The following FAM20B variants were observed in gnomAD, a reference collection of about 807,000 sequenced individuals.
FAM20B encodes the protein glycosaminoglycan xylosylkinase.
A neutral mutation model predicts 43.8 loss-of-function variants in FAM20B; 23 were observed. The observed-to-expected ratio is 0.53, with a 90% CI of 0.38 to 0.74. The LOEUF (loss-of-function observed/expected upper bound fraction) is 0.74, where lower values mean the gene tolerates loss of function less well. Among genes scored for constraint, FAM20B ranks in the 30% least tolerant of loss-of-function variants. The pLI is 0.00. For missense variants in FAM20B, 440 were observed against 510.5 expected (o/e 0.86, Z 1.33); for synonymous variants, 178 against 192.4 (o/e 0.93, Z 0.62).
chr1:179,076,445 CACAG>C lies in FAM20B; in HGVS notation c.*4307_*4310del, dbSNP rs993459875. On this transcript the variant is annotated 3_prime_UTR_variant, in exon 8 of 8. Coordinates refer to ENST00000263733, the MANE Select transcript of FAM20B (RefSeq NM_014864.4). Reference sequence around the variant, plus strand: ...CAAGGATTTCCTCTCAGAGCTGTTGCACAGACAGAGATTGTACTTGGTAAGATAC... The same window carrying C: ...CAAGGATTTCCTCTCAGAGCTGTTGCACAGAGATTGTACTTGGTAAGATAC... 3.9e-5 allele frequency: 6 copies of C among 152,560 alleles called. No individual in the cohort carries two copies. Among genetic ancestry groups the C allele is most frequent in the South Asian group, 2.1e-4 (1 of 4,826 alleles). The allele number at this position is 152,560 out of a possible 1,614,324, so 9.5% of individuals were successfully genotyped here.
Position 179,073,309 on chromosome 1 carries a change from TTTTTTTC to T in FAM20B, c.*1179_*1185del, listed in dbSNP as rs1199571499. On this transcript the variant is annotated 3_prime_UTR_variant, in exon 8 of 8. Transcript: ENST00000263733. ...GAAACAAAGATTTTAAGCCTTCTTC[TTTTTTTC>T]TTTTTTCTTTTTTTTTTGAGACCAA... 3.3e-5 allele frequency: 5 copies of T among 152,186 alleles called. No individual in the cohort carries two copies. Among genetic ancestry groups the T allele is most frequent in the Non-Finnish European group, 7.3e-5 (5 of 68,096 alleles). The allele number at this position is 152,186 out of a possible 1,614,324, so 9.4% of individuals were successfully genotyped here.
intron 4 of FAM20B, among the ~76,000 whole-genome samples, chr1:179,059,756 G>C (rs1174175020): frequency 6.6e-6 from 1 of 152,146 alleles, no homozygotes; most frequent in Non-Finnish European, 1.5e-5. Context: ...AGGATCACAT[G>C]AGGCCAGGAG....
intron 1 of FAM20B, among the ~76,000 whole-genome samples, chr1:179,038,808 G>A (rs139744905): frequency 1.5e-3 from 228 of 152,350 alleles, no homozygotes; most frequent in African/African-American, 5.4e-3. Flanking sequence ...CTTTGTTTCA[G>A]CTAATAGTGT....
chr1:179,020,225 C>A, the FAM20B span, among the ~76,000 whole-genome samples: 1 of 151,614 alleles, frequency 6.6e-6, no homozygotes, highest in African/African-American at 2.4e-5. Flanking sequence ...GAAGGAGGGA[C>A]CAGGCTCTCT....
rs1352163334 is a variant in FAM20B, at chr1:179,076,342, C to A, written c.*4198C>A. 1 of 152,150 alleles carries A rather than the reference C, an allele frequency of 6.6e-6. No homozygotes were observed. Among genetic ancestry groups the A allele is most frequent in the Non-Finnish European group, 1.5e-5 (1 of 68,006 alleles). 9.4% of individuals were successfully genotyped at this position (152,150 alleles called of 1,614,324 possible). A position where few individuals can be genotyped will look rare whatever the true frequency, so the allele number is the denominator to read the frequency against. ...CATAAACACAAAATGTTGGGTGAAACTGGGAACAACTACTCAGAAGCTCAT... is the reference window on the plus strand; with the variant it reads ...CATAAACACAAAATGTTGGGTGAAAATGGGAACAACTACTCAGAAGCTCAT... On this transcript the variant is annotated 3_prime_UTR_variant, in exon 8 of 8. Transcript: ENST00000263733.
intron 4 of FAM20B, among the ~76,000 whole-genome samples, chr1:179,057,564 T>C (rs536425692): frequency 6.6e-6 from 1 of 152,330 alleles, no homozygotes; most frequent in Admixed American, 6.5e-5. Flanking sequence ...ATTTTATACC[T>C]AAGAGTGGAG....
chr1:179,031,779 G>C (rs1001722494), intron 1 of FAM20B, among the ~76,000 whole-genome samples: 2 of 151,998 alleles, frequency 1.3e-5, no homozygotes, highest in African/African-American at 4.8e-5. Flanking sequence ...CTTATCTTAA[G>C]GGCTTTAGCA....
At chr1:179,028,640 T>C (rs1468148567) in intron 1 of FAM20B, among the ~76,000 whole-genome samples, 2 of 152,204 alleles carry the variant, frequency 1.3e-5, no homozygotes, top group African/African-American at 4.8e-5. Flanking sequence ...ATCTGACTCT[T>C]AGTCCTTCTG....
chr1:179,020,748 C>A, the FAM20B span, among the ~76,000 whole-genome samples: 7 of 152,134 alleles, frequency 4.6e-5, no homozygotes, highest in African/African-American at 1.7e-4. Context: ...CAAATTTTTG[C>A]AGATGGGGGC....
At chr1:179,051,454 G>T (rs538830390) in intron 3 of FAM20B, among the ~76,000 whole-genome samples, 1 of 151,804 alleles carries the variant, frequency 6.6e-6, no homozygotes, top group East Asian at 2.0e-4. Context: ...GAGAAGCCCC[G>T]TCTCTACTAA....
chr1:179,019,208 T>C, the FAM20B span, among the ~76,000 whole-genome samples: 10 of 152,164 alleles, frequency 6.6e-5, no homozygotes, highest in African/African-American at 2.2e-4. Flanking sequence ...CCCAGTCAAG[T>C]TGACACATAA....
intron 2 of FAM20B, 36 bp from the exon 3 acceptor site, chr1:179,050,243 C>T (rs750467924): frequency 6.9e-7 from 1 of 1,447,220 alleles, no homozygotes; most frequent in South Asian, 1.1e-5. Flanking sequence ...CTGGTGTAAT[C>T]CACGTATACA....
chr1:179,029,469 AAAG>A (rs1473056929), intron 1 of FAM20B, among the ~76,000 whole-genome samples: 1 of 152,262 alleles, frequency 6.6e-6, no homozygotes, highest in Non-Finnish European at 1.5e-5. Flanking sequence ...ACCAAAAACA[AAAG>A]AAGAAATGCC....
chr1:179,050,647 A>G (rs1305601157), intron 3 of FAM20B, among the ~76,000 whole-genome samples: 1 of 152,154 alleles, frequency 6.6e-6, no homozygotes, highest in East Asian at 1.9e-4. Context: ...ATAAACTTTG[A>G]ACTTAAATCT....
chr1:179,065,778 G>A (rs771893096), intron 6 of FAM20B, among the ~76,000 whole-genome samples: 9 of 152,178 alleles, frequency 5.9e-5, no homozygotes, highest in Non-Finnish European at 1.0e-4. Context: ...CACTCGGGCC[G>A]CTATAACAAA....
In FAM20B at chr1:179,073,051, A is replaced by T. The variant is rs1347892375; in HGVS notation, c.*907A>T. ...AATTAACAAAGCAAACTGAAATAAT[A>T]CCTTGAATAACAGGTTGCCTGTGGT... On this transcript the variant is annotated 3_prime_UTR_variant, in exon 8 of 8. Transcript: ENST00000263733. 4 of 152,214 alleles carry T rather than the reference A, an allele frequency of 2.6e-5. No homozygotes were observed. Among genetic ancestry groups the T allele is most frequent in the Admixed American group, 2.0e-4 (3 of 15,276 alleles). The allele number at this position is 152,214 out of a possible 1,614,324, so 9.4% of individuals were successfully genotyped here. A position where few individuals can be genotyped will look rare whatever the true frequency, so the allele number is the denominator to read the frequency against.
intron 4 of FAM20B, among the ~76,000 whole-genome samples, chr1:179,057,569 G>C (rs904451970): frequency 6.6e-6 from 1 of 152,214 alleles, no homozygotes; most frequent in Non-Finnish European, 1.5e-5. Flanking sequence ...ATACCTAAGA[G>C]TGGAGGCTTA....
At chr1:179,045,446 A>G (rs1481328687) in intron 2 of FAM20B, among the ~76,000 whole-genome samples, 2 of 152,118 alleles carry the variant, frequency 1.3e-5, no homozygotes, top group African/African-American at 2.4e-5. Context: ...ACAAAATTCA[A>G]CTCCCTTTCT....
chr1:179,040,209 G>A (rs992071624), intron 1 of FAM20B, among the ~76,000 whole-genome samples: 3 of 152,006 alleles, frequency 2.0e-5, no homozygotes, highest in Non-Finnish European at 4.4e-5. Flanking sequence ...CCACAAAACC[G>A]CCACTGTCAT....
Sources: gnomAD v4.1 joint callset for allele counts (sites outside exome capture counted in the v4.1 genomes callset) on GRCh38, gnomAD v4.1.1 for gene constraint, MANE v1.5 for transcripts, NCBI Gene and HGNC (gene_info 2026-07-23, HGNC 2026-07-21) for gene names.